SKAP1: variants seen among roughly 807,000 people sequenced by gnomAD.
SKAP1 encodes the protein src kinase associated phosphoprotein 1, also known as src kinase-associated phosphoprotein 1.
A neutral mutation model predicts 58.5 loss-of-function variants in SKAP1; 44 were observed. The observed-to-expected ratio is 0.75, with a 90% CI of 0.59 to 0.97. The LOEUF (loss-of-function observed/expected upper bound fraction) is 0.97, where lower values mean the gene tolerates loss of function less well. Ranked by LOEUF, SKAP1 falls within the 50% of genes least tolerant of loss-of-function variation. The pLI is 0.00. For synonymous variants in SKAP1, 127 were observed against 149.7 expected (o/e 0.85, Z 1.11); for missense variants, 390 against 435.2 (o/e 0.90, Z 0.92).
chr17:48,431,057 A>C (rs1186016634), upstream of SKAP1, among the ~76,000 whole-genome samples: 2 of 152,226 alleles, frequency 1.3e-5, no homozygotes, highest in East Asian at 3.8e-4. Context: ...TATAATTCTC[A>C]AAATAAAGAG....
chr17:48,286,952 G>A (rs548350845), intron 4 of SKAP1, among the ~76,000 whole-genome samples: 2 of 152,052 alleles, frequency 1.3e-5, no homozygotes, highest in East Asian at 1.9e-4. Context: ...AAAAATTGGC[G>A]GGGCTTGCTG....
At chr17:48,329,436 G>C (rs2066477050) in intron 4 of SKAP1, among the ~76,000 whole-genome samples, 1 of 152,222 alleles carries the variant, frequency 6.6e-6, no homozygotes, top group Non-Finnish European at 1.5e-5. Context: ...TGGGCGCGGT[G>C]GCTCACGCCT....
At chr17:48,145,540 A>C (rs2063822184) in intron 11 of SKAP1, among the ~76,000 whole-genome samples, 1 of 151,904 alleles carries the variant, frequency 6.6e-6, no homozygotes, top group Non-Finnish European at 1.5e-5. Flanking sequence ...GTGGTTTCCT[A>C]TTGCTGTTTA....
chr17:48,432,356 G>T (rs2067924701), upstream of SKAP1, among the ~76,000 whole-genome samples: 1 of 152,064 alleles, frequency 6.6e-6, no homozygotes, highest in East Asian at 1.9e-4. Context: ...ATGAACCCGG[G>T]GGGCGGAGGT....
intron 4 of SKAP1, among the ~76,000 whole-genome samples, chr17:48,249,689 C>T (rs1044755398): frequency 6.6e-6 from 1 of 151,680 alleles, no homozygotes. Flanking sequence ...AACCCGGAAG[C>T]CCCCCGCAAA....
At chr17:48,248,629 T>A (rs947867300) in intron 4 of SKAP1, among the ~76,000 whole-genome samples, 9 of 151,932 alleles carry the variant, frequency 5.9e-5, no homozygotes, top group African/African-American at 2.2e-4. Context: ...TAAGACATAA[T>A]CCTTGCCGCC....
At chr17:48,386,811 A>G (rs2067283338) in intron 2 of SKAP1, among the ~76,000 whole-genome samples, 1 of 152,214 alleles carries the variant, frequency 6.6e-6, no homozygotes, top group Admixed American at 6.5e-5. Flanking sequence ...CACTGCTTTC[A>G]TGAACATGTC....
chr17:48,327,692 A>G (rs2066456259), intron 4 of SKAP1, among the ~76,000 whole-genome samples: 1 of 152,176 alleles, frequency 6.6e-6, no homozygotes. Context: ...ACAGTGGTGC[A>G]ATCTTGGCTC....
At chr17:48,142,380 T>G (rs1324938718) in intron 11 of SKAP1, among the ~76,000 whole-genome samples, 1 of 152,160 alleles carries the variant, frequency 6.6e-6, no homozygotes, top group Non-Finnish European at 1.5e-5. Context: ...GAGAATTGCT[T>G]GAACCCGGGA....
At chr17:48,284,772 T>A (rs1272153326) in intron 4 of SKAP1, among the ~76,000 whole-genome samples, 1 of 152,188 alleles carries the variant, frequency 6.6e-6, no homozygotes, top group Non-Finnish European at 1.5e-5. Flanking sequence ...TTTAGCCAAG[T>A]CTGGGAGGAC....
At chr17:48,177,972 T>C (rs1374670692) in intron 9 of SKAP1, among the ~76,000 whole-genome samples, 2 of 152,100 alleles carry the variant, frequency 1.3e-5, no homozygotes, top group Non-Finnish European at 2.9e-5. Context: ...CTGTTGTGGA[T>C]AGAGGTTAAA....
chr17:48,266,513 CTTT>C (rs67981214), intron 4 of SKAP1, among the ~76,000 whole-genome samples: 6 of 138,514 alleles, frequency 4.3e-5, no homozygotes, highest in Non-Finnish European at 4.7e-5. Flanking sequence ...TTCTTACTTT[CTTT>C]TTTTTTTTTT....
At chr17:48,300,893 T>C (rs562134625) in intron 4 of SKAP1, among the ~76,000 whole-genome samples, 2 of 152,284 alleles carry the variant, frequency 1.3e-5, no homozygotes, top group African/African-American at 4.8e-5. Flanking sequence ...TATCTCCGTA[T>C]CTTCATTCTC....
At chr17:48,281,819 CAAT>C (rs768180926) in intron 4 of SKAP1, among the ~76,000 whole-genome samples, 78 of 151,788 alleles carry the variant, frequency 5.1e-4, no homozygotes, top group South Asian at 3.9e-3. Flanking sequence ...TTTAGAAAAA[CAAT>C]AAAACAAAAA....
intron 4 of SKAP1, among the ~76,000 whole-genome samples, chr17:48,268,104 C>CA (rs150041919): frequency 1.0e-3 from 157 of 151,002 alleles, no homozygotes; most frequent in African/African-American, 3.7e-3. Context: ...TTTAGAGTTT[C>CA]AAAAAAAAGA....
At chr17:48,416,687 C>G (rs1055073868) in intron 1 of SKAP1, among the ~76,000 whole-genome samples, 3 of 152,182 alleles carry the variant, frequency 2.0e-5, no homozygotes, top group African/African-American at 4.8e-5. Context: ...TCACAAGTAT[C>G]TCGTTAAGTT....
chr17:48,229,265 G>A (rs897693148), intron 4 of SKAP1, among the ~76,000 whole-genome samples: 1 of 152,108 alleles, frequency 6.6e-6, no homozygotes, highest in African/African-American at 2.4e-5. Context: ...AGAGAATGAT[G>A]ATCATCAACT....
chr17:48,158,965 GA>G (rs34145165), intron 11 of SKAP1, among the ~76,000 whole-genome samples: 84,096 of 131,402 alleles, frequency 0.64, 25,029 homozygotes, highest in East Asian at 0.78. Context: ...TTCTCAAAAA[GA>G]AAAAAAAAAA....
At chr17:48,213,125 T>G (rs147849216) in intron 4 of SKAP1, among the ~76,000 whole-genome samples, 159 of 152,194 alleles carry the variant, frequency 1.0e-3, no homozygotes, top group African/African-American at 3.6e-3. Context: ...GTGGATCACC[T>G]GAGGTCAGGA....
Sources: allele counts gnomAD v4.1 joint callset (sites outside exome capture counted in the v4.1 genomes callset), GRCh38; gene constraint gnomAD v4.1.1; transcripts MANE v1.5; gene names NCBI Gene and HGNC (gene_info 2026-07-23, HGNC 2026-07-21).